NUFIP1: variants seen among roughly 807,000 people sequenced by gnomAD.
NUFIP1 encodes the protein FMR1-interacting protein NUFIP1.
NUFIP1 carries 38 observed loss-of-function variants against 56.2 expected under a neutral mutation model. The observed-to-expected ratio is 0.68, with a 90% CI of 0.52 to 0.89. NUFIP1 has a LOEUF of 0.89. Ranked by LOEUF, NUFIP1 falls within the 40% of genes least tolerant of loss-of-function variation. NUFIP1 has a pLI of 0.00. For missense variants in NUFIP1, 567 were observed against 605.8 expected, an observed-to-expected ratio of 0.94 and a Z score of 0.67; for synonymous variants, 215 against 212.4, an observed-to-expected ratio of 1.01 and a Z score of -0.10.
rs1303402648 is a variant in NUFIP1 at position 44,989,350 on chromosome 13, G to T, written c.87C>A (p.Asp29Glu). 4 of 1,613,020 alleles carry T rather than the reference G, an allele frequency of 2.5e-6. No individual in the cohort carries two copies. Among genetic ancestry groups the T allele is most frequent in the Non-Finnish European group, 3.4e-6 (4 of 1,179,798 alleles). The change falls in exon 1 of 10, where the codon GAC becomes GAA. Residue 29 changes from aspartate to glutamate, a missense_variant. Transcript: ENST00000379161. ...ELTPTLGPLS[D>E]TAPPRDSWMF... ...TCCAGCTGTCCCGCGGCGGGGCAGT[G>T]TCGCTCAGGGGCCCTAACGTGGGAG... is the stretch of plus-strand genomic sequence containing the variant.
At chr13:44,979,727 C>G (rs564704852) in intron 4 of NUFIP1, among the ~76,000 whole-genome samples, 163 bp downstream of exon 4, 6 of 152,094 alleles carry the variant, frequency 3.9e-5, no homozygotes, top group Non-Finnish European at 8.8e-5. Flanking sequence ...TATAAACAAC[C>G]ATAGTTGTTT....
chr13:44,968,553 C>G (rs886250332), intron 5 of NUFIP1, among the ~76,000 whole-genome samples: 3 of 152,132 alleles, frequency 2.0e-5, no homozygotes, highest in Non-Finnish European at 4.4e-5. Flanking sequence ...AATAGTTTTA[C>G]AGAGAGGATG....
intron 6 of NUFIP1, among the ~76,000 whole-genome samples, chr13:44,960,894 A>C (rs1871400282): frequency 6.6e-6 from 1 of 152,086 alleles, no homozygotes; most frequent in African/African-American, 2.4e-5. Flanking sequence ...CTCTACTAAA[A>C]TACAAAAAAT....
chr13:44,972,209 C>T (rs140554966), intron 5 of NUFIP1, among the ~76,000 whole-genome samples: 3 of 152,220 alleles, frequency 2.0e-5, no homozygotes, highest in East Asian at 3.9e-4. Context: ...AAAACCTATA[C>T]GTGAATGTTT....
chr13:44,948,894 C>T (rs1047250226), intron 8 of NUFIP1, among the ~76,000 whole-genome samples: 5 of 152,110 alleles, frequency 3.3e-5, no homozygotes, highest in South Asian at 2.1e-4. Flanking sequence ...CAATTTCTTC[C>T]GACCTTTAAA....
intron 8 of NUFIP1, among the ~76,000 whole-genome samples, 179 bp from the exon 9 acceptor site, chr13:44,943,853 T>C (rs891784691): frequency 6.6e-6 from 1 of 152,162 alleles, no homozygotes; most frequent in African/African-American, 2.4e-5. Context: ...ATTTTTCAAA[T>C]TGGAAGCTGT....
At chr13:44,962,918 C>T (rs373685832) in intron 6 of NUFIP1, among the ~76,000 whole-genome samples, 1 of 152,140 alleles carries the variant, frequency 6.6e-6, no homozygotes, top group Non-Finnish European at 1.5e-5. Flanking sequence ...GGCTTTACTG[C>T]ACAGCCTAGG....
At chr13:44,977,562 G>A (rs1872025382) in intron 5 of NUFIP1, among the ~76,000 whole-genome samples, 1 of 152,138 alleles carries the variant, frequency 6.6e-6, no homozygotes, top group African/African-American at 2.4e-5. Flanking sequence ...GGAGAGAGTA[G>A]TAAGTCAGGC....
chr13:44,961,161 A>C (rs1459659359), intron 6 of NUFIP1, among the ~76,000 whole-genome samples: 1 of 152,146 alleles, frequency 6.6e-6, no homozygotes, highest in South Asian at 2.1e-4. Flanking sequence ...AGGTTCCTTC[A>C]TAGTAGACAA....
At position 44,979,969 on chromosome 13, in the gene NUFIP1, G is replaced by GA. The variant is rs754645264; in HGVS notation, c.595-18dup. The stretch of plus-strand genomic sequence containing the variant: ...TTCAGGGCACTATGAGTTTTTAAAA[G>GA]AAAAAAAAAACTATTTAACAAATGT... On this transcript the variant is annotated splice_polypyrimidine_tract_variant and intron_variant, in intron 3 of 9. Coordinates refer to ENST00000379161, the MANE Select transcript of NUFIP1 (RefSeq NM_012345.3). The GA allele has an allele frequency of 0.016, 21,615 of 1,383,374 alleles. No homozygotes were observed. Among genetic ancestry groups the GA allele is most frequent in the South Asian group, 0.018 (1,299 of 70,504 alleles). The allele number at this position is 1,383,374 out of a possible 1,614,324, so 85.7% of individuals were successfully genotyped here.
intron 7 of NUFIP1, among the ~76,000 whole-genome samples, chr13:44,959,082 T>C (rs1287306318): frequency 6.6e-6 from 1 of 152,180 alleles, no homozygotes; most frequent in African/African-American, 2.4e-5. Context: ...TGCACAGCAT[T>C]AATACATTCA....
intron 5 of NUFIP1, among the ~76,000 whole-genome samples, chr13:44,966,662 T>C (rs776024575): frequency 6.6e-6 from 1 of 152,004 alleles, no homozygotes; most frequent in Non-Finnish European, 1.5e-5. Flanking sequence ...ATATCGAAGT[T>C]ACCAAGACGA....
At chr13:44,978,793 G>T (rs1213018607) in intron 5 of NUFIP1, among the ~76,000 whole-genome samples, 2 of 152,140 alleles carry the variant, frequency 1.3e-5, no homozygotes, top group Admixed American at 6.5e-5. Context: ...GGTTACATTT[G>T]TACTTAGCTC....
chr13:44,941,852 T>C lies in NUFIP1; in HGVS notation c.1372-530A>G, dbSNP rs115835058. On this transcript the variant is annotated intron_variant, in intron 9 of 9. Transcript: ENST00000379161. The stretch of plus-strand genomic sequence containing the variant: ...TTTTAAACAGTACTAACGCTTATAT[T>C]TGGAGTCCTCTCTAAGAGTATCTAG... Among the ~76,000 whole-genome samples the C allele has an allele frequency of 8.0e-3, 1,218 of 152,084 alleles. 16 individuals are homozygous for C. Among genetic ancestry groups the C allele is most frequent in the African/African-American group, 0.028 (1,146 of 41,468 alleles).
chr13:44,958,709 A>C (rs2137902857), intron 7 of NUFIP1, among the ~76,000 whole-genome samples: 1 of 152,348 alleles, frequency 6.6e-6, no homozygotes, highest in African/African-American at 2.4e-5. Context: ...CAATTAGATA[A>C]AGCCTCACAA....
At chr13:44,981,397 G>T (rs73179691) in intron 2 of NUFIP1, among the ~76,000 whole-genome samples, 1 of 151,838 alleles carries the variant, frequency 6.6e-6, no homozygotes, top group Non-Finnish European at 1.5e-5. Flanking sequence ...TATACTAACC[G>T]ACTATTTATG....
At chr13:44,978,880 A>C (rs1872082270) in intron 5 of NUFIP1, among the ~76,000 whole-genome samples, 1 of 152,156 alleles carries the variant, frequency 6.6e-6, no homozygotes. Flanking sequence ...GTGATAATAC[A>C]CTTCTGTATA....
chr13:44,968,394 G>C (rs1258455889), intron 5 of NUFIP1, among the ~76,000 whole-genome samples: 1 of 127,246 alleles, frequency 7.9e-6, no homozygotes, highest in Non-Finnish European at 1.7e-5. Context: ...TAAACTAAAG[G>C]AACACTGAGA....
At chr13:44,971,191 A>G (rs954954887) in intron 5 of NUFIP1, among the ~76,000 whole-genome samples, 10 of 152,220 alleles carry the variant, frequency 6.6e-5, no homozygotes, top group Non-Finnish European at 1.5e-4. Flanking sequence ...CAGTGCCCAA[A>G]GAATTTTCAG....
Sources: allele counts gnomAD v4.1 joint callset (sites outside exome capture counted in the v4.1 genomes callset), GRCh38; gene constraint gnomAD v4.1.1; transcripts MANE v1.5; gene names NCBI Gene and HGNC (gene_info 2026-07-23, HGNC 2026-07-21).